ADAM22: variants seen among roughly 807,000 people sequenced by gnomAD.
The protein encoded by ADAM22 is disintegrin and metalloproteinase domain-containing protein 22.
In ADAM22, 65 loss-of-function variants were observed where a neutral mutation model predicts 144.6. The ratio of observed to expected loss-of-function variants is 0.45; its 90% CI spans 0.37 to 0.55. ADAM22 has a LOEUF of 0.55. Ranked by LOEUF, ADAM22 falls within the 20% of genes least tolerant of loss-of-function variation. The probability of loss-of-function intolerance (pLI) is 0.00; values close to 1 mark genes in which losing one functional copy is unlikely to be tolerated. For synonymous variants in ADAM22, 391 were observed against 412.6 expected (o/e 0.95, Z 0.63); for missense variants, 974 against 1,184.9 (o/e 0.82, Z 2.61).
intron 3 of ADAM22, among the ~76,000 whole-genome samples, chr7:88,021,922 G>A (rs1323451471): frequency 4.6e-5 from 7 of 151,740 alleles, no homozygotes; most frequent in Non-Finnish European, 8.8e-5. Flanking sequence ...GCTCAGGCTG[G>A]GGTGCAGTGG....
chr7:88,123,937 A>G (rs977851215), intron 7 of ADAM22, among the ~76,000 whole-genome samples: 1 of 151,742 alleles, frequency 6.6e-6, no homozygotes, highest in African/African-American at 2.4e-5. Flanking sequence ...TTTTTATTAT[A>G]GATTTTTTAA....
rs375119422 is a variant in ADAM22 at position 88,142,610 on chromosome 7, G to A, written c.1221-416G>A. On this transcript the variant is annotated intron_variant, in intron 14 of 31. Transcript: ENST00000413139. ...TCCCAGCACTTTGGGAGGCCGAGGC[G>A]GGCGGATCACAAAGTCAGGAGATCG... is the stretch of plus-strand genomic sequence containing the variant. 1.6e-3 allele frequency among the ~76,000 whole-genome samples: 247 copies of A among 152,158 alleles called. 2 individuals carry two copies. Among genetic ancestry groups the A allele is most frequent in the African/African-American group, 4.6e-3 (192 of 41,512 alleles).
intron 4 of ADAM22, among the ~76,000 whole-genome samples, chr7:88,093,284 CA>C (rs5885614): frequency 0.48 from 69,502 of 145,426 alleles, 16,931 homozygotes; most frequent in East Asian, 0.82. Flanking sequence ...TGGTTTGAAG[CA>C]AAAAAAAAAA....
intron 2 of ADAM22, among the ~76,000 whole-genome samples, chr7:87,973,832 G>A (rs866466594): frequency 9.9e-5 from 15 of 151,988 alleles, no homozygotes; most frequent in African/African-American, 2.2e-4. Flanking sequence ...GCAAACTATC[G>A]TGAGGACAAA....
intron 25 of ADAM22, among the ~76,000 whole-genome samples, chr7:88,169,733 C>T (rs985254666): frequency 3.3e-5 from 5 of 152,166 alleles, no homozygotes; most frequent in Admixed American, 1.3e-4. Context: ...TTTGATTTCT[C>T]CTCACACCAG....
chr7:88,001,672 A>G (rs1304540641), intron 3 of ADAM22, among the ~76,000 whole-genome samples: 2 of 151,970 alleles, frequency 1.3e-5, no homozygotes, highest in African/African-American at 4.8e-5. Context: ...TAAGGTCAGA[A>G]CTGATTGTGG....
chr7:88,046,432 T>C (rs1804712310), intron 3 of ADAM22, among the ~76,000 whole-genome samples: 1 of 152,206 alleles, frequency 6.6e-6, no homozygotes, highest in Non-Finnish European at 1.5e-5. Context: ...GTTTTCTTGT[T>C]ATTGAGTTTT....
chr7:87,982,068 T>TATATATATATATATACACACAC (rs1244517564), intron 3 of ADAM22, among the ~76,000 whole-genome samples: 5 of 93,740 alleles, frequency 5.3e-5, no homozygotes, highest in East Asian at 3.8e-4. Context: ...TATATATATA[T>TATATATATATATATACACACAC]ACACACACAC....
intron 3 of ADAM22, among the ~76,000 whole-genome samples, chr7:88,072,947 G>A (rs1387410727): frequency 6.6e-6 from 1 of 152,104 alleles, no homozygotes; most frequent in Non-Finnish European, 1.5e-5. Flanking sequence ...ATAATTTTAC[G>A]TTTTTGTTAT....
chr7:88,097,166 T>G (rs1467668884), intron 4 of ADAM22, among the ~76,000 whole-genome samples: 1 of 149,302 alleles, frequency 6.7e-6, no homozygotes, highest in Admixed American at 6.6e-5. Context: ...TTTTTTTTTT[T>G]TTTGAGACAG....
At chr7:88,074,458 A>G (rs1813661202) in intron 3 of ADAM22, among the ~76,000 whole-genome samples, 2 of 152,210 alleles carry the variant, frequency 1.3e-5, no homozygotes, top group South Asian at 2.1e-4. Context: ...TTATTTATCA[A>G]GTAGAACTGA....
chr7:88,143,643 G>T (rs1484874905), intron 15 of ADAM22, among the ~76,000 whole-genome samples: 1 of 152,180 alleles, frequency 6.6e-6, no homozygotes, highest in East Asian at 1.9e-4. Context: ...TTTACAACTT[G>T]CAGCACATCC....
At chr7:87,945,289 T>C (rs1055012953) in intron 2 of ADAM22, among the ~76,000 whole-genome samples, 2 of 152,172 alleles carry the variant, frequency 1.3e-5, no homozygotes, top group African/African-American at 4.8e-5. Flanking sequence ...GGAAAATTCG[T>C]TCTTACTGAG....
intron 2 of ADAM22, among the ~76,000 whole-genome samples, chr7:87,954,741 C>G (rs1382992653): frequency 6.6e-6 from 1 of 152,168 alleles, no homozygotes; most frequent in Non-Finnish European, 1.5e-5. Flanking sequence ...AGAGTGTTTT[C>G]CAACTTGGTT....
intron 25 of ADAM22, among the ~76,000 whole-genome samples, chr7:88,169,612 T>A (rs373161855): frequency 1.4e-4 from 22 of 152,252 alleles, no homozygotes; most frequent in African/African-American, 4.8e-4. Flanking sequence ...TAGCAGATGC[T>A]TAAAACCTAT....
intron 3 of ADAM22, among the ~76,000 whole-genome samples, chr7:88,053,153 GAC>G (rs924608297): frequency 1.3e-5 from 2 of 151,946 alleles, no homozygotes; most frequent in African/African-American, 4.8e-5. Context: ...AATATACACA[GAC>G]ACACAGACAC....
rs147500780 is a variant in ADAM22 at position 87,956,931 on chromosome 7, G to A, written c.247-21405G>A. Among the ~76,000 whole-genome samples the A allele has an allele frequency of 6.3e-4, 96 of 152,262 alleles. 1 individual carries two copies. Among genetic ancestry groups the A allele is most frequent in the African/African-American group, 1.7e-3 (72 of 41,554 alleles). ...GTGGAAACACACACATGAAAGTATCGTAAAAATTACTTATTCTTATTACAT... is the reference window on the plus strand; with the variant it reads ...GTGGAAACACACACATGAAAGTATCATAAAAATTACTTATTCTTATTACAT... On this transcript the variant is annotated intron_variant, in intron 2 of 31. Coordinates refer to ENST00000413139, the MANE Select transcript of ADAM22 (RefSeq NM_001324418.2).
intron 4 of ADAM22, among the ~76,000 whole-genome samples, chr7:88,097,900 A>G (rs956075534): frequency 6.6e-6 from 1 of 152,110 alleles, no homozygotes; most frequent in Non-Finnish European, 1.5e-5. Context: ...AAGAGTTATA[A>G]TTTCATGAGT....
chr7:88,141,490 C>T (rs1210942429), intron 14 of ADAM22, among the ~76,000 whole-genome samples: 1 of 152,116 alleles, frequency 6.6e-6, no homozygotes, highest in East Asian at 1.9e-4. Flanking sequence ...ACAGTTTTTG[C>T]AGGCTACTGG....
Sources: allele counts gnomAD v4.1 joint callset (sites outside exome capture counted in the v4.1 genomes callset), GRCh38; gene constraint gnomAD v4.1.1; transcripts MANE v1.5; gene names NCBI Gene and HGNC (gene_info 2026-07-23, HGNC 2026-07-21).